BLTP1: variants seen among roughly 807,000 people sequenced by gnomAD.
BLTP1 encodes fragile site-associated protein.
chr4:122,264,130 A>C, the BLTP1 span: 1 of 1,262,200 alleles, frequency 7.9e-7, no homozygotes, highest in Non-Finnish European at 1.0e-6. Flanking sequence ...TTTTCTTTTC[A>C]ATTTAATCAG....
the BLTP1 span, among the ~76,000 whole-genome samples, chr4:122,213,047 T>C: frequency 5.9e-5 from 9 of 152,322 alleles, no homozygotes; most frequent in Admixed American, 5.9e-4. Flanking sequence ...GTTTCGGTTT[T>C]TAAGAGACAG....
At chr4:122,348,724 T>G in the BLTP1 span, 1 of 1,551,358 alleles carries the variant, frequency 6.4e-7, no homozygotes, top group Non-Finnish European at 8.8e-7. Context: ...CAACGTAAGC[T>G]ATTCAGATAC....
At chr4:122,293,625 C>A in the BLTP1 span, among the ~76,000 whole-genome samples, 2 of 152,028 alleles carry the variant, frequency 1.3e-5, no homozygotes, top group East Asian at 3.9e-4. Flanking sequence ...CACAGAGACA[C>A]AGGAGTTTTG....
At chr4:122,276,025 A>G in the BLTP1 span, 1 of 1,581,532 alleles carries the variant, frequency 6.3e-7, no homozygotes, top group South Asian at 1.2e-5. Flanking sequence ...GAGTTTCTGT[A>G]TGTCATATTA....
At chr4:122,217,704 G>A in the BLTP1 span, among the ~76,000 whole-genome samples, 2 of 151,900 alleles carry the variant, frequency 1.3e-5, no homozygotes, top group African/African-American at 4.8e-5. Context: ...TTCTGGTTTT[G>A]GTATTCGGGT....
the BLTP1 span, chr4:122,336,940 TCAA>T: frequency 5.0e-6 from 8 of 1,612,252 alleles, no homozygotes; most frequent in African/African-American, 4.0e-5. Flanking sequence ...TATGGAAGAA[TCAA>T]CAACATCACT....
the BLTP1 span, among the ~76,000 whole-genome samples, chr4:122,221,554 G>A: frequency 2.6e-5 from 4 of 152,012 alleles, no homozygotes; most frequent in Non-Finnish European, 4.4e-5. Flanking sequence ...ATGTGTGTGC[G>A]TAGTTCTAGG....
chr4:122,184,601 TTGCACTCCAGCCTGGGCAACA>T, the BLTP1 span: 1 of 645,508 alleles, frequency 1.5e-6, no homozygotes, highest in Non-Finnish European at 1.9e-6. Flanking sequence ...GATTGTGCCA[TTGCACTCCAGCCTGGGCAACA>T]GAGGGAGACT....
the BLTP1 span, chr4:122,250,317 C>T: frequency 2.0e-6 from 3 of 1,537,974 alleles, no homozygotes; most frequent in Non-Finnish European, 2.7e-6. Flanking sequence ...AGCATTAAGA[C>T]ACTTATTCAC....
the BLTP1 span, chr4:122,299,104 T>C: frequency 2.0e-6 from 2 of 984,712 alleles, no homozygotes; most frequent in Non-Finnish European, 1.2e-6. Context: ...TTAGGGAAAT[T>C]GCTGTGTAGA....
the BLTP1 span, chr4:122,230,250 C>A: frequency 6.4e-7 from 1 of 1,551,748 alleles, no homozygotes; most frequent in South Asian, 1.1e-5. Context: ...GTCTCCTGTT[C>A]AGATGAAAAA....
chr4:122,213,764 C>T, the BLTP1 span, among the ~76,000 whole-genome samples: 1 of 152,058 alleles, frequency 6.6e-6, no homozygotes, highest in Non-Finnish European at 1.5e-5. Flanking sequence ...AGGTCTTCTG[C>T]AGATGTAGAC....
the BLTP1 span, chr4:122,194,734 T>G: frequency 1.3e-6 from 1 of 795,026 alleles, no homozygotes; most frequent in Non-Finnish European, 1.5e-6. Context: ...ATTATGTATT[T>G]TTCATAAATT....
At chr4:122,320,989 CT>C in the BLTP1 span, among the ~76,000 whole-genome samples, 214 of 122,902 alleles carry the variant, frequency 1.7e-3, no homozygotes, top group Non-Finnish European at 2.4e-3. Context: ...TTTTTCTTTT[CT>C]TTTTTTTTTT....
At chr4:122,250,504 T>A in the BLTP1 span, 50,354 of 1,613,804 alleles carry the variant, frequency 0.031, 974 homozygotes, top group Non-Finnish European at 0.036. Flanking sequence ...ATGTCTCTGA[T>A]GATAATCTTC....
chr4:122,204,970 G>A, the BLTP1 span: 1 of 179,362 alleles, frequency 5.6e-6, no homozygotes, highest in Non-Finnish European at 1.1e-5. Context: ...TTTTATTGTT[G>A]ATGCAGTAAA....
the BLTP1 span, chr4:122,246,888 A>G: frequency 6.5e-7 from 1 of 1,542,528 alleles, no homozygotes; most frequent in Non-Finnish European, 8.7e-7. Context: ...TTTTCTTTTA[A>G]AAATACATTT....
At chr4:122,230,906 A>G in the BLTP1 span, among the ~76,000 whole-genome samples, 1 of 152,162 alleles carries the variant, frequency 6.6e-6, no homozygotes, top group Non-Finnish European at 1.5e-5. Context: ...AATGCTTGAA[A>G]TCATCCTGTA....
the BLTP1 span, chr4:122,274,559 C>T: frequency 7.1e-6 from 10 of 1,412,614 alleles, no homozygotes; most frequent in Admixed American, 2.4e-4. Flanking sequence ...TACTGAGAAT[C>T]CTGTCGTTAA....
Sources: gnomAD v4.1 joint callset for allele counts (sites outside exome capture counted in the v4.1 genomes callset) on GRCh38, gnomAD v4.1.1 for gene constraint, MANE v1.5 for transcripts, NCBI Gene and HGNC (gene_info 2026-07-23, HGNC 2026-07-21) for gene names.